OR2C1: variants seen among roughly 807,000 people sequenced by gnomAD.
The protein encoded by OR2C1 is olfactory receptor family 2 subfamily C member 1.
For missense variants in OR2C1, 468 were observed against 388.3 expected, an observed-to-expected ratio of 1.21 and a Z score of -1.73; for synonymous variants, 209 against 167.3, an observed-to-expected ratio of 1.25 and a Z score of -1.92.
At chr16:3,333,211 A>ATTTTTTTTTTTTT in the OR2C1 span, among the ~76,000 whole-genome samples, 5 of 65,798 alleles carry the variant, frequency 7.6e-5, no homozygotes, top group Non-Finnish European at 1.1e-4. Context: ...TCTTTTGCCC[A>ATTTTTTTTTTTTT]TTTTTTTTTT....
the OR2C1 span, among the ~76,000 whole-genome samples, chr16:3,339,732 A>C: frequency 1.3e-5 from 2 of 152,050 alleles, no homozygotes; most frequent in Non-Finnish European, 2.9e-5. Flanking sequence ...TTGGGATTAC[A>C]GGCATGAGCC....
At chr16:3,340,041 G>A in the OR2C1 span, among the ~76,000 whole-genome samples, 8 of 152,118 alleles carry the variant, frequency 5.3e-5, no homozygotes, top group East Asian at 1.5e-3. Flanking sequence ...CACTTTGGGA[G>A]GCCAAAGCGG....
At chr16:3,357,997 C>CAAT (rs1285342930), downstream of OR2C1, among the ~76,000 whole-genome samples, 6 of 151,762 alleles carry the variant, frequency 4.0e-5, no homozygotes, top group African/African-American at 1.2e-4. Flanking sequence ...ATAATAATAA[C>CAAT]AATAATAATA....
At chr16:3,337,000 G>A in the OR2C1 span, among the ~76,000 whole-genome samples, 1 of 151,516 alleles carries the variant, frequency 6.6e-6, no homozygotes, top group Non-Finnish European at 1.5e-5. Flanking sequence ...GAGCCACTGC[G>A]CCTGGCCCAT....
chr16:3,325,171 G>A, the OR2C1 span, among the ~76,000 whole-genome samples: 2 of 151,814 alleles, frequency 1.3e-5, no homozygotes, highest in Admixed American at 1.3e-4. Context: ...TAGTAGAGAT[G>A]GGGTTTCACC....
At position 3,356,355 on chromosome 16, in the gene OR2C1, C is replaced by A; in HGVS notation, c.415C>A (p.Gln139Lys). The A allele has an allele frequency of 2.5e-6, 4 of 1,613,616 alleles. No homozygotes were observed. Among genetic ancestry groups the A allele is most frequent in the Non-Finnish European group, 3.4e-6 (4 of 1,180,026 alleles). The change falls in exon 1 of 1, where the codon CAG (glutamine) becomes AAG (lysine). Residue 139 changes from glutamine (Q) to lysine (K), a missense_variant. By Grantham distance (53) the Gln-to-Lys change is moderately conservative. Transcript: ENST00000304936. ...CCGCTACACCGCCATCATGAACCCC[C>A]AGCTCTGCTGGCTGCTGGCTGTGAT... ...PLRYTAIMNPQLCWLLAVIAC... is the reference protein window; with the variant it reads ...PLRYTAIMNPKLCWLLAVIAC...
At chr16:3,327,058 C>G in the OR2C1 span, among the ~76,000 whole-genome samples, 1 of 152,022 alleles carries the variant, frequency 6.6e-6, no homozygotes, top group Non-Finnish European at 1.5e-5. Flanking sequence ...AGAGTAATAA[C>G]TGATTTAAAA....
At chr16:3,323,606 A>G in the OR2C1 span, 1 of 743,444 alleles carries the variant, frequency 1.3e-6, no homozygotes, top group Non-Finnish European at 2.5e-6. Flanking sequence ...AAGTCTTGCA[A>G]TGGCTGTCTG....
chr16:3,353,978 C>CTT (rs1307481834), upstream of OR2C1, among the ~76,000 whole-genome samples: 24 of 121,582 alleles, frequency 2.0e-4, no homozygotes, highest in African/African-American at 6.9e-4. Context: ...TTTTTCTTTT[C>CTT]TTTTCTTTTT....
chr16:3,355,471 A>AAAAAAAAAAAAAAAAAT (rs910791358), upstream of OR2C1, among the ~76,000 whole-genome samples: 1 of 143,032 alleles, frequency 7.0e-6, no homozygotes, highest in Non-Finnish European at 1.5e-5. Flanking sequence ...AAAAAAAAAA[A>AAAAAAAAAAAAAAAAAT]AGCTTGCAAT....
chr16:3,342,001 C>T, the OR2C1 span, among the ~76,000 whole-genome samples: 523 of 152,232 alleles, frequency 3.4e-3, 4 homozygotes, highest in African/African-American at 0.012. Context: ...CATCAATGTT[C>T]ATAACAGCCA....
At chr16:3,344,159 T>A in the OR2C1 span, among the ~76,000 whole-genome samples, 1 of 151,862 alleles carries the variant, frequency 6.6e-6, no homozygotes, top group Admixed American at 6.6e-5. Flanking sequence ...AGGTGGAGGT[T>A]TCAGTGAGCC....
chr16:3,343,275 A>AT, the OR2C1 span, among the ~76,000 whole-genome samples: 6,212 of 152,168 alleles, frequency 0.041, 155 homozygotes, highest in Non-Finnish European at 0.053. Context: ...TAACTTTTGT[A>AT]TTTTTTTGTA....
the OR2C1 span, among the ~76,000 whole-genome samples, chr16:3,343,969 A>G: frequency 6.6e-6 from 1 of 152,234 alleles, no homozygotes; most frequent in South Asian, 2.1e-4. Flanking sequence ...TTGTAATCCC[A>G]GCACTTTGGG....
the OR2C1 span, among the ~76,000 whole-genome samples, chr16:3,349,114 A>G: frequency 6.7e-6 from 1 of 149,870 alleles, no homozygotes; most frequent in African/African-American, 2.5e-5. Flanking sequence ...GCCTTCCACC[A>G]CCCCCCTCCC....
chr16:3,327,218 G>T, the OR2C1 span, among the ~76,000 whole-genome samples: 1 of 151,992 alleles, frequency 6.6e-6, no homozygotes, highest in African/African-American at 2.4e-5. Flanking sequence ...TGCCAATCTT[G>T]TTTCATTTAT....
At chr16:3,339,387 T>G in the OR2C1 span, among the ~76,000 whole-genome samples, 1 of 152,132 alleles carries the variant, frequency 6.6e-6, no homozygotes, top group African/African-American at 2.4e-5. Context: ...GGAGTGGAAT[T>G]GTGGGGTTGT....
At chr16:3,343,052 G>T in the OR2C1 span, among the ~76,000 whole-genome samples, 8 of 152,146 alleles carry the variant, frequency 5.3e-5, no homozygotes, top group Non-Finnish European at 1.2e-4. Flanking sequence ...TAAAATAGAT[G>T]AATGGTATCA....
the OR2C1 span, among the ~76,000 whole-genome samples, chr16:3,345,969 G>A: frequency 6.6e-6 from 1 of 151,620 alleles, no homozygotes. Context: ...ATGTAGCTGG[G>A]ACTATAGGTG....
Sources: allele counts gnomAD v4.1 joint callset (sites outside exome capture counted in the v4.1 genomes callset), GRCh38; gene constraint gnomAD v4.1.1; transcripts MANE v1.5; gene names NCBI Gene and HGNC (gene_info 2026-07-23, HGNC 2026-07-21).